Variants in DNAAF5 observed in about 807,000 individuals in gnomAD.
DNAAF5 encodes the protein HEAT repeat containing 2.
A neutral mutation model predicts 75.8 loss-of-function variants in DNAAF5; 64 were observed. The ratio of observed to expected loss-of-function variants is 0.84; its 90% confidence interval spans 0.69 to 1.04. DNAAF5 has a LOEUF of 1.04. Among genes scored for constraint, DNAAF5 ranks in the 50% least tolerant of loss-of-function variants. DNAAF5 has a pLI of 0.00. For missense variants in DNAAF5, 1,269 were observed against 1,178.5 expected, an observed-to-expected ratio of 1.08 and a Z score of -1.12; for synonymous variants, 657 against 557.2, an observed-to-expected ratio of 1.18 and a Z score of -2.52.
rs1340460908 is a variant in DNAAF5 at position 761,884 on chromosome 7, C to T, written c.1602C>T (p.Gly534=). 1 of 1,575,052 alleles carries T rather than the reference C, an allele frequency of 6.3e-7. No homozygotes were observed. The part of the protein sequence containing the change: ...LTIVALAGAT[G]LRDKAQETMD... ...TAGTGGCCCTCGCAGGTGCTACCGG[C>T]CTGAGGGACAAGGTAAGGCTGACAG... Residue 534 remains glycine (G), a synonymous_variant, in exon 7 of 13, where the codon GGC becomes GGT. Transcript: ENST00000297440.
At chr7:733,531 C>G (rs976285267) in intron 2 of DNAAF5, among the ~76,000 whole-genome samples, 7 of 152,154 alleles carry the variant, frequency 4.6e-5, no homozygotes, top group African/African-American at 1.4e-4. Context: ...CAGTCTCGCT[C>G]TGTCATCCAG....
chr7:734,482 G>T (rs981092914), intron 2 of DNAAF5, among the ~76,000 whole-genome samples: 15 of 152,334 alleles, frequency 9.8e-5, no homozygotes, highest in Non-Finnish European at 1.9e-4. Flanking sequence ...CTCATGTGCT[G>T]TTGAAACAGT....
Position 763,946 on chromosome 7 carries a change from G to A in DNAAF5, c.1755G>A (p.Leu585=), listed in dbSNP as rs767883085. The A allele has an allele frequency of 2.6e-5, 41 of 1,606,590 alleles. No individual in the cohort carries two copies. The highest frequency in any genetic ancestry group is 3.3e-5 in the Non-Finnish European group (39 of 1,180,006). Reference sequence around the variant, plus strand: ...GGACCGCACACTCGCCGGAGCTCCTGCAGTTCAGTGTCATCGTCGCACAGT... The same window carrying A: ...GGACCGCACACTCGCCGGAGCTCCTACAGTTCAGTGTCATCGTCGCACAGT... ...LDWTAHSPEL[L]QFSVIVAQSG... The change falls in exon 8 of 13, where the codon CTG becomes CTA. Residue 585 remains leucine (L), a synonymous_variant. Coordinates refer to ENST00000297440, the MANE Select transcript of DNAAF5 (RefSeq NM_017802.4).
At chr7:753,627 A>G (rs574094191) in intron 4 of DNAAF5, among the ~76,000 whole-genome samples, 15 of 139,538 alleles carry the variant, frequency 1.1e-4, no homozygotes, top group South Asian at 2.4e-4. Context: ...GGACGGCTTC[A>G]CAGGCGTATC....
intron 6 of DNAAF5, among the ~76,000 whole-genome samples, chr7:758,252 C>G (rs2128079343): frequency 6.6e-6 from 1 of 152,364 alleles, no homozygotes; most frequent in African/African-American, 2.4e-5. Flanking sequence ...CCTAGAAGGG[C>G]ATAACTTGAA....
intron 7 of DNAAF5, among the ~76,000 whole-genome samples, chr7:762,191 A>G (rs1782677352): frequency 2.0e-5 from 3 of 152,184 alleles, no homozygotes; most frequent in African/African-American, 7.2e-5. Flanking sequence ...GTAGGGTTTA[A>G]TAGTGCACAT....
intron 11 of DNAAF5, among the ~76,000 whole-genome samples, chr7:776,596 G>C (rs1453285023): frequency 6.6e-6 from 1 of 152,214 alleles, no homozygotes; most frequent in African/African-American, 2.4e-5. Flanking sequence ...CAGGGGCACA[G>C]CCTCAGTGTC....
At chr7:732,563 G>A (rs560690672) in intron 2 of DNAAF5, 51 of 456,104 alleles carry the variant, frequency 1.1e-4, no homozygotes, top group African/African-American at 7.4e-4. Context: ...GAGAGACTGG[G>A]GATGCATGGA....
At chr7:727,995 T>C (rs1018836246) in intron 1 of DNAAF5, among the ~76,000 whole-genome samples, 1 of 151,918 alleles carries the variant, frequency 6.6e-6, no homozygotes, top group African/African-American at 2.4e-5. Context: ...GCTTTGAGAC[T>C]CTGCTCTGGT....
intron 6 of DNAAF5, 136 bp from the exon 7 acceptor site, chr7:761,617 C>T: frequency 1.2e-6 from 1 of 834,470 alleles, no homozygotes; most frequent in East Asian, 2.7e-5. Context: ...AAGACCCACC[C>T]CCATGATTCA....
intron 2 of DNAAF5, among the ~76,000 whole-genome samples, chr7:739,370 C>G (rs1316091871): frequency 1.3e-5 from 2 of 152,154 alleles, no homozygotes; most frequent in African/African-American, 4.8e-5. Context: ...GCTGTCTCTG[C>G]TCGAGACCTG....
At chr7:760,784 G>A (rs1316621164) in intron 6 of DNAAF5, among the ~76,000 whole-genome samples, 5 of 152,260 alleles carry the variant, frequency 3.3e-5, no homozygotes, top group African/African-American at 1.2e-4. Context: ...GCTGGAGCCG[G>A]GAGGGGAAGC....
At chr7:759,437 C>G (rs769510430) in intron 6 of DNAAF5, among the ~76,000 whole-genome samples, 3 of 152,038 alleles carry the variant, frequency 2.0e-5, no homozygotes, top group Non-Finnish European at 4.4e-5. Context: ...GGTAACTCAC[C>G]GATTTGCTTC....
intron 4 of DNAAF5, among the ~76,000 whole-genome samples, chr7:749,305 C>T (rs893900171): frequency 2.0e-5 from 3 of 152,202 alleles, no homozygotes; most frequent in East Asian, 1.9e-4. Context: ...GAGATTATCC[C>T]TCTGTTAAGA....
chr7:756,908 G>C lies in DNAAF5; in HGVS notation c.1384G>C (p.Gly462Arg), dbSNP rs1782502923. The change falls in exon 6 of 13, where the codon GGT becomes CGT. Residue 462 changes from glycine (G) to arginine (R), a missense_variant. Physicochemically the swap from Gly to Arg is moderately radical, Grantham distance 125. Coordinates refer to ENST00000297440, the MANE Select transcript of DNAAF5 (RefSeq NM_017802.4). ...GLLVLASAMRGCPREALQPHL... is the reference protein window; with the variant it reads ...GLLVLASAMRRCPREALQPHL... ...CCTGGTGCTGGCCTCCGCCATGCGG[G>C]GTTGCCCCCGAGAAGCCCTCCAGCC... 6.2e-7 allele frequency: 1 copy of C among 1,611,624 alleles called. No individual in the cohort carries two copies. Among genetic ancestry groups the C allele is most frequent in the Non-Finnish European group, 8.5e-7 (1 of 1,180,002 alleles).
chr7:769,093 C>T (rs148315210), intron 8 of DNAAF5: 46 of 732,518 alleles, frequency 6.3e-5, no homozygotes, highest in Non-Finnish European at 1.1e-4. Flanking sequence ...ATTGCGTCTC[C>T]GTGTGGCAAG....
At chr7:761,610 A>T in intron 6 of DNAAF5, 143 bp from the exon 7 acceptor site, 1 of 779,802 alleles carries the variant, frequency 1.3e-6, no homozygotes. Context: ...CACGGGAAAG[A>T]CCCACCCCCA....
At chr7:779,148 T>C (rs894211588) in intron 11 of DNAAF5, among the ~76,000 whole-genome samples, 11 of 152,266 alleles carry the variant, frequency 7.2e-5, no homozygotes, top group Non-Finnish European at 1.3e-4. Flanking sequence ...ATCCTCTTGC[T>C]GAGGGTGGAT....
chr7:748,735 C>T (rs753484681), intron 4 of DNAAF5, among the ~76,000 whole-genome samples: 6 of 152,198 alleles, frequency 3.9e-5, no homozygotes, highest in African/African-American at 1.2e-4. Flanking sequence ...CCATCCTCTG[C>T]ACCCAGAGGC....
Sources: allele counts gnomAD v4.1 joint callset (sites outside exome capture counted in the v4.1 genomes callset), GRCh38; gene constraint gnomAD v4.1.1; transcripts MANE v1.5; gene names NCBI Gene and HGNC (gene_info 2026-07-23, HGNC 2026-07-21).